The following CNTNAP5 variants were observed in gnomAD, a reference collection of about 807,000 sequenced individuals.
The protein encoded by CNTNAP5 is contactin-associated protein-like 5.
In CNTNAP5, 72 loss-of-function variants were observed where a neutral mutation model predicts 150.2. The observed-to-expected ratio is 0.48, with a 90% CI of 0.40 to 0.58. The LOEUF (loss-of-function observed/expected upper bound fraction) is 0.58. Among genes scored for constraint, CNTNAP5 ranks in the 20% least tolerant of loss-of-function variants. The pLI is 0.00. For missense variants in CNTNAP5, 1,636 were observed against 1,626.2 expected (o/e 1.01, Z -0.10); for synonymous variants, 672 against 619.8 (o/e 1.08, Z -1.25).
chr2:124,782,048 G>A (rs1211200217), intron 17 of CNTNAP5, among the ~76,000 whole-genome samples: 5 of 152,180 alleles, frequency 3.3e-5, no homozygotes, highest in African/African-American at 1.2e-4. Flanking sequence ...TGCATATGTA[G>A]ATGAGGTTCA....
chr2:124,625,206 G>A (rs920276877), intron 12 of CNTNAP5, among the ~76,000 whole-genome samples: 1 of 152,172 alleles, frequency 6.6e-6, no homozygotes, highest in African/African-American at 2.4e-5. Flanking sequence ...CTTGAAGGGT[G>A]AGGGCTCCAT....
intron 1 of CNTNAP5, among the ~76,000 whole-genome samples, chr2:124,080,787 A>T (rs1400003375): frequency 6.6e-6 from 1 of 152,232 alleles, no homozygotes; most frequent in East Asian, 1.9e-4. Flanking sequence ...ATCTGAAGCA[A>T]TTATACAATA....
intron 1 of CNTNAP5, among the ~76,000 whole-genome samples, chr2:124,094,835 A>G (rs1219723178): frequency 6.6e-6 from 1 of 152,142 alleles, no homozygotes; most frequent in Non-Finnish European, 1.5e-5. Flanking sequence ...GGTGCTGCTC[A>G]CTGATAAGAG....
At chr2:124,787,705 C>CCCA (rs1416186448) in intron 17 of CNTNAP5, among the ~76,000 whole-genome samples, 1 of 152,024 alleles carries the variant, frequency 6.6e-6, no homozygotes, top group East Asian at 1.9e-4. Flanking sequence ...AAGCCATTGA[C>CCCA]CCACCATTGG....
At chr2:124,291,510 C>T (rs764937461) in intron 3 of CNTNAP5, among the ~76,000 whole-genome samples, 2 of 151,222 alleles carry the variant, frequency 1.3e-5, no homozygotes, top group Non-Finnish European at 2.9e-5. Flanking sequence ...ATTCTGTACA[C>T]CAGAGAGAGC....
At chr2:124,826,562 G>C (rs550694289) in intron 19 of CNTNAP5, among the ~76,000 whole-genome samples, 7 of 152,220 alleles carry the variant, frequency 4.6e-5, no homozygotes, top group Non-Finnish European at 8.8e-5. Context: ...GCTACACAGG[G>C]TTTGCAAAGT....
chr2:124,164,081 A>G (rs1684753388), intron 1 of CNTNAP5, among the ~76,000 whole-genome samples: 1 of 152,166 alleles, frequency 6.6e-6, no homozygotes, highest in Non-Finnish European at 1.5e-5. Flanking sequence ...TGAAAACACT[A>G]AAATGCATGC....
At chr2:124,492,790 A>G (rs1694061725) in intron 7 of CNTNAP5, among the ~76,000 whole-genome samples, 2 of 151,910 alleles carry the variant, frequency 1.3e-5, no homozygotes, top group Admixed American at 1.3e-4. Context: ...AGTGTATAGA[A>G]ATTCAACTTA....
chr2:124,872,061 A>G (rs999408837), intron 21 of CNTNAP5, among the ~76,000 whole-genome samples: 20 of 151,944 alleles, frequency 1.3e-4, no homozygotes, highest in Non-Finnish European at 1.5e-4. Flanking sequence ...TGGGCAATTC[A>G]TTTGGCTTTA....
Position 124,349,160 on chromosome 2 carries a change from G to A in CNTNAP5, c.382-68283G>A, listed in dbSNP as rs147543505. ...TGTCATTAGGCAATTTCATTGTTGCGTGAACATCATAGAGTGTACTTTCAC... is the reference window on the plus strand; with the variant it reads ...TGTCATTAGGCAATTTCATTGTTGCATGAACATCATAGAGTGTACTTTCAC... On this transcript the variant is annotated intron_variant, in intron 3 of 23. Transcript: ENST00000682447. Among the ~76,000 whole-genome samples the A allele has an allele frequency of 2.2e-3, 292 of 132,100 alleles. 1 individual carries two copies. Among genetic ancestry groups the A allele is most frequent in the Non-Finnish European group, 1.0e-3 (65 of 63,028 alleles). The allele number at this position is 132,100 out of a possible 152,430, so 86.7% of individuals were successfully genotyped here.
rs367861342 is a variant in CNTNAP5 at position 124,920,426 on chromosome 2, A to G, written c.*6138A>G. ...CACAAACATTTTACATGAAATATTC[A>G]CCTAGTCTATTCTCTTTGAAAGGTA... On this transcript the variant is annotated 3_prime_UTR_variant, in exon 24 of 24. Coordinates refer to ENST00000682447, the MANE Select transcript of CNTNAP5 (RefSeq NM_001367498.1). Among the ~76,000 whole-genome samples the G allele has an allele frequency of 6.6e-6, 1 of 152,094 alleles. No homozygotes were observed. The highest frequency in any genetic ancestry group is 1.5e-5 in the Non-Finnish European group (1 of 68,002).
At chr2:124,302,926 C>T (rs761798465) in intron 3 of CNTNAP5, among the ~76,000 whole-genome samples, 9 of 152,218 alleles carry the variant, frequency 5.9e-5, no homozygotes, top group Non-Finnish European at 1.2e-4. Flanking sequence ...ATGTTTACTG[C>T]TCAGAGCTTC....
Position 124,369,023 on chromosome 2 carries a change from G to A in CNTNAP5, c.382-48420G>A, listed in dbSNP as rs114657666. Among the ~76,000 whole-genome samples the A allele has an allele frequency of 6.4e-3, 972 of 152,258 alleles. 12 individuals are homozygous for A. The highest frequency in any genetic ancestry group is 0.021 in the African/African-American group (891 of 41,560). On this transcript the variant is annotated intron_variant, in intron 3 of 23. Coordinates refer to ENST00000682447, the MANE Select transcript of CNTNAP5 (RefSeq NM_001367498.1). ...TTTTTTAAAAAATAGTTGGATAGCT[G>A]AGAGTATCAAGACAAGCCAATTTAA...
intron 3 of CNTNAP5, among the ~76,000 whole-genome samples, chr2:124,390,938 T>A (rs1490399630): frequency 2.6e-5 from 4 of 152,218 alleles, no homozygotes; most frequent in Non-Finnish European, 5.9e-5. Context: ...GTAAGGGAGA[T>A]AAAAAGTATT....
At chr2:124,346,607 C>T (rs969599355) in intron 3 of CNTNAP5, among the ~76,000 whole-genome samples, 7 of 152,010 alleles carry the variant, frequency 4.6e-5, no homozygotes, top group Non-Finnish European at 8.8e-5. Context: ...TTCAATGGCA[C>T]CTGCTTGCTC....
chr2:124,094,592 T>A (rs1444177182), intron 1 of CNTNAP5, among the ~76,000 whole-genome samples: 1 of 152,246 alleles, frequency 6.6e-6, no homozygotes, highest in African/African-American at 2.4e-5. Context: ...ACTCAAAGTT[T>A]CATGTTTGTT....
chr2:124,677,165 G>C (rs1678960240), intron 13 of CNTNAP5, among the ~76,000 whole-genome samples: 1 of 152,108 alleles, frequency 6.6e-6, no homozygotes, highest in South Asian at 2.1e-4. Flanking sequence ...CTTCCGGTGG[G>C]TTCACGGTCT....
intron 13 of CNTNAP5, among the ~76,000 whole-genome samples, chr2:124,658,481 TA>T (rs1465764976): frequency 2.1e-5 from 3 of 140,470 alleles, no homozygotes; most frequent in African/African-American, 8.0e-5. Context: ...TCGGGGTTAG[TA>T]AAACAAACAA....
chr2:124,564,977 C>T (rs1695982699), intron 11 of CNTNAP5, among the ~76,000 whole-genome samples: 1 of 152,102 alleles, frequency 6.6e-6, no homozygotes. Context: ...TTCTTAAGTG[C>T]CTGCTGTTTT....
Sources: gnomAD v4.1 joint callset for allele counts (sites outside exome capture counted in the v4.1 genomes callset) on GRCh38, gnomAD v4.1.1 for gene constraint, MANE v1.5 for transcripts, NCBI Gene and HGNC (gene_info 2026-07-23, HGNC 2026-07-21) for gene names.